NLGN1: variants seen among roughly 807,000 people sequenced by gnomAD.
NLGN1 encodes the protein neuroligin-1.
In NLGN1, 12 loss-of-function variants were observed where a neutral mutation model predicts 65.5. The observed-to-expected ratio is 0.18, with a 90% CI of 0.12 to 0.30. NLGN1 has a LOEUF of 0.30. NLGN1 is among the 10% of genes least tolerant of loss of function. NLGN1 has a pLI of 1.00. For missense variants in NLGN1, 750 were observed against 1,007.1 expected (o/e 0.74, Z 3.46); for synonymous variants, 350 against 359.5 (o/e 0.97, Z 0.30).
rs762361063 is a variant in NLGN1 at position 173,737,008 on chromosome 3, A to AT, written c.494-70667dup. Among the ~76,000 whole-genome samples the AT allele has an allele frequency of 3.3e-5, 5 of 152,116 alleles. No individual in the cohort carries two copies. The East Asian group carries it at 9.7e-4, about 29-fold the overall frequency. Reference sequence around the variant, plus strand: ...TTTACCTACTCTAAAATGGCTGATAATTTTTACAAAGAATCTTTCTAATTA... The same window carrying AT: ...TTTACCTACTCTAAAATGGCTGATAATTTTTTACAAAGAATCTTTCTAATTA... On this transcript the variant is annotated intron_variant, in intron 3 of 6. Transcript: ENST00000457714.
At position 173,984,495 on chromosome 3, in the gene NLGN1, G is replaced by T. The variant is rs527431849; in HGVS notation, c.646+176663G>T. On this transcript the variant is annotated intron_variant, in intron 4 of 6. Transcript: ENST00000457714. ...AATTCAAATTATTCTGTCTCTTTCT[G>T]TCTTGGAGATTCAAATTACTATGTC... Among the ~76,000 whole-genome samples, 561 of 152,222 alleles carry T rather than the reference G, an allele frequency of 3.7e-3. 11 individuals are homozygous for T. Among genetic ancestry groups the T allele is most frequent in the Admixed American group, 0.035 (530 of 15,280 alleles).
At chr3:173,714,367 T>G (rs1323245868) in intron 3 of NLGN1, among the ~76,000 whole-genome samples, 5 of 152,146 alleles carry the variant, frequency 3.3e-5, no homozygotes, top group Non-Finnish European at 7.4e-5. Flanking sequence ...ATAAAGGGCT[T>G]AGAACTGTGC....
At chr3:174,080,248 G>A (rs867417055) in intron 4 of NLGN1, among the ~76,000 whole-genome samples, 6 of 151,980 alleles carry the variant, frequency 3.9e-5, no homozygotes, top group Non-Finnish European at 5.9e-5. Flanking sequence ...TTCTGTTACC[G>A]GCAGCAAATC....
intron 4 of NLGN1, among the ~76,000 whole-genome samples, chr3:174,215,104 C>T (rs1424323207): frequency 6.6e-6 from 1 of 151,944 alleles, no homozygotes; most frequent in East Asian, 1.9e-4. Context: ...ATCAAGTCCA[C>T]CTACTATTAA....
intron 4 of NLGN1, among the ~76,000 whole-genome samples, chr3:174,154,980 T>TAATATAATATATAATTATAATAA (rs1561174931): frequency 4.0e-4 from 49 of 122,246 alleles, no homozygotes; most frequent in African/African-American, 7.7e-4. Context: ...ATATAATATA[T>TAATATAATATATAATTATAATAA]TATATTATAT....
At chr3:173,695,001 G>C (rs1560184278) in intron 3 of NLGN1, among the ~76,000 whole-genome samples, 1 of 152,062 alleles carries the variant, frequency 6.6e-6, no homozygotes, top group Non-Finnish European at 1.5e-5. Flanking sequence ...GACTTTTCCA[G>C]TAATTGTATT....
rs541970447 is a variant in NLGN1 at position 173,860,840 on chromosome 3, AG to A, written c.646+53015del. 4.7e-3 allele frequency among the ~76,000 whole-genome samples: 715 copies of A among 152,226 alleles called. 3 individuals carry two copies. Among genetic ancestry groups the A allele is most frequent in the Middle Eastern group, 0.014 (4 of 294 alleles). ...CTGCTTTCTCTATGTCAAAATATGA[AG>A]GGGGGGTTACCTGCTCATGTGACCT... On this transcript the variant is annotated intron_variant, in intron 4 of 6. Coordinates refer to ENST00000457714, the Ensembl canonical transcript of NLGN1.
At chr3:173,551,196 T>C (rs1160727286) in intron 2 of NLGN1, among the ~76,000 whole-genome samples, 1 of 152,184 alleles carries the variant, frequency 6.6e-6, no homozygotes, top group African/African-American at 2.4e-5. Flanking sequence ...GGAATCTTAG[T>C]GATAAATAGT....
chr3:173,517,802 C>CT (rs57189814), intron 2 of NLGN1, among the ~76,000 whole-genome samples: 5 of 122,938 alleles, frequency 4.1e-5, no homozygotes, highest in African/African-American at 5.8e-5. Flanking sequence ...ATCTATCTAT[C>CT]ATATCTATCT....
chr3:173,683,011 T>C (rs1343446527), intron 3 of NLGN1, among the ~76,000 whole-genome samples: 3 of 152,228 alleles, frequency 2.0e-5, no homozygotes, highest in Non-Finnish European at 2.9e-5. Context: ...TTGCAACTGT[T>C]AAAAGTTATT....
At chr3:173,777,900 T>TA (rs1454453928) in intron 3 of NLGN1, among the ~76,000 whole-genome samples, 1 of 151,888 alleles carries the variant, frequency 6.6e-6, no homozygotes. Flanking sequence ...TTCCATTCAT[T>TA]AAAAAATCTA....
chr3:174,064,518 G>T (rs771964116), intron 4 of NLGN1, among the ~76,000 whole-genome samples: 3 of 151,034 alleles, frequency 2.0e-5, no homozygotes, highest in Non-Finnish European at 4.4e-5. Context: ...ACCTCTCTAT[G>T]CCTTAGTTTC....
intron 4 of NLGN1, among the ~76,000 whole-genome samples, chr3:174,096,622 G>C (rs1182455726): frequency 6.6e-6 from 1 of 152,104 alleles, no homozygotes; most frequent in African/African-American, 2.4e-5. Flanking sequence ...GATGACATTT[G>C]TGGTAATATA....
chr3:173,940,167 C>G (rs1745798969), intron 4 of NLGN1, among the ~76,000 whole-genome samples: 1 of 140,608 alleles, frequency 7.1e-6, no homozygotes. Flanking sequence ...CTGCTCACTG[C>G]AACCTCCGCC....
Position 173,869,098 on chromosome 3 carries a change from G to C in NLGN1, c.646+61266G>C, listed in dbSNP as rs150037480. 1.2e-3 allele frequency among the ~76,000 whole-genome samples: 184 copies of C among 152,204 alleles called. 2 individuals carry two copies. Among genetic ancestry groups the C allele is most frequent in the Middle Eastern group, 3.4e-3 (1 of 294 alleles). On this transcript the variant is annotated intron_variant, in intron 4 of 6. Transcript: ENST00000457714. ...CATACTTTTAAGGAGCATAGTAATA[G>C]ATCAGAAAAAGTTAATTCCAACTGC...
intron 2 of NLGN1, among the ~76,000 whole-genome samples, chr3:173,599,318 CAGA>C (rs1750054201): frequency 6.6e-6 from 1 of 152,152 alleles, no homozygotes; most frequent in African/African-American, 2.4e-5. Flanking sequence ...ATGGCAACAG[CAGA>C]AGAAGGATAT....
exon 7 of NLGN1, chr3:174,283,926 G>A (rs1270405736): frequency 6.6e-6 from 1 of 151,270 alleles, no homozygotes. Context: ...AACAAAATAA[G>A]ATATGAATGA....
intron 4 of NLGN1, among the ~76,000 whole-genome samples, chr3:174,076,446 G>A (rs1209157352): frequency 1.3e-5 from 2 of 151,978 alleles, no homozygotes; most frequent in Non-Finnish European, 2.9e-5. Flanking sequence ...ACTCACATTT[G>A]GTCTGAATCT....
chr3:174,055,126 A>C (rs950944217), intron 4 of NLGN1, among the ~76,000 whole-genome samples: 12 of 149,566 alleles, frequency 8.0e-5, no homozygotes, highest in African/African-American at 3.0e-4. Context: ...AATTTTCTGA[A>C]TATCAACTCC....
Sources: gnomAD v4.1 joint callset for allele counts (sites outside exome capture counted in the v4.1 genomes callset) on GRCh38, gnomAD v4.1.1 for gene constraint, MANE v1.5 for transcripts, NCBI Gene and HGNC (gene_info 2026-07-23, HGNC 2026-07-21) for gene names.